Variants in EFCAB8 observed in about 807,000 individuals in gnomAD.
The protein encoded by EFCAB8 is EF-hand calcium binding domain 8, also known as EF-hand calcium-binding domain-containing protein 8.
In EFCAB8, 100 loss-of-function variants were observed where a neutral mutation model predicts 116.3. That is an observed-to-expected ratio of 0.86 (90% confidence interval 0.73 to 1.02). The LOEUF (loss-of-function observed/expected upper bound fraction) is 1.02. EFCAB8 is among the 50% of genes least tolerant of loss of function. The probability of loss-of-function intolerance (pLI) is 0.00; values close to 1 mark genes in which losing one functional copy is unlikely to be tolerated. For missense variants in EFCAB8, 1,320 were observed against 1,416.9 expected, an observed-to-expected ratio of 0.93 and a Z score of 1.10; for synonymous variants, 558 against 567.9, an observed-to-expected ratio of 0.98 and a Z score of 0.25.
At chr20:32,907,268 G>A in intron 13 of EFCAB8, 1 of 298,214 alleles carries the variant, frequency 3.4e-6, no homozygotes, top group Non-Finnish European at 5.0e-6. Context: ...CCATAGAATG[G>A]GCTGTTGAGT....
intron 2 of EFCAB8, among the ~76,000 whole-genome samples, chr20:32,866,303 A>G (rs74862783): frequency 0.029 from 4,422 of 152,246 alleles, 207 homozygotes; most frequent in African/African-American, 0.1. Context: ...TTTTTGAACT[A>G]AAGTGTTTTC....
intron 5 of EFCAB8, among the ~76,000 whole-genome samples, chr20:32,882,194 C>G (rs942988185): frequency 6.6e-6 from 1 of 151,736 alleles, no homozygotes; most frequent in African/African-American, 2.4e-5. Context: ...ATGAAAACTC[C>G]GTCTCAAAAA....
At chr20:32,878,389 C>T (rs8119075) in intron 4 of EFCAB8, among the ~76,000 whole-genome samples, 4,689 of 151,998 alleles carry the variant, frequency 0.031, 217 homozygotes, top group African/African-American at 0.099. Context: ...AGAGAAAGAG[C>T]AGGTCTGTTG....
At chr20:32,951,711 T>C (rs1342016996) in intron 23 of EFCAB8, among the ~76,000 whole-genome samples, 1 of 152,224 alleles carries the variant, frequency 6.6e-6, no homozygotes, top group East Asian at 1.9e-4. Context: ...TAGTGGTATC[T>C]TACTGTGATT....
At chr20:32,960,333 C>G (rs779439129) in intron 26 of EFCAB8, among the ~76,000 whole-genome samples, 172 bp downstream of exon 26, 1 of 152,164 alleles carries the variant, frequency 6.6e-6, no homozygotes, top group Non-Finnish European at 1.5e-5. Flanking sequence ...ACTAATGTGG[C>G]CAGTTTGTTT....
intron 23 of EFCAB8, among the ~76,000 whole-genome samples, chr20:32,955,332 G>A (rs1441480593): frequency 1.3e-5 from 2 of 152,114 alleles, no homozygotes; most frequent in South Asian, 2.1e-4. Flanking sequence ...TTGAACCCAG[G>A]AGTTTGAGGC....
rs773493768 is a variant in EFCAB8 at position 32,930,532 on chromosome 20, C to T, written c.2547C>T (p.Asp849=). ...GLLGKFPVDL[D]NGDVVVGAMA... ...TGGGGAAGTTCCCTGTGGACCTAGA[C>T]AATGGGGATGTTGTCGTGGGTGCCA... is the stretch of plus-strand genomic sequence containing the variant. Residue 849 remains aspartate, a synonymous_variant, in exon 21 of 27, where the codon GAC becomes GAT. Transcript: ENST00000400522. 3.2e-6 allele frequency: 5 copies of T among 1,552,214 alleles called. No homozygotes were observed. In the African/African-American group the frequency reaches 6.8e-5, roughly 21 times the overall value.
At chr20:32,860,279 G>T (rs552589394) in intron 1 of EFCAB8, among the ~76,000 whole-genome samples, 85 of 151,964 alleles carry the variant, frequency 5.6e-4, no homozygotes, top group Non-Finnish European at 4.3e-4. Context: ...CTGCATTCCA[G>T]CCTGTGACAG....
chr20:32,931,336 G>A lies in EFCAB8; in HGVS notation c.2790G>A (p.Glu930=), dbSNP rs1226031197. ...FPHYIPLEDK[E]VVAGHTISLV... ...ACTACATTCCCTTGGAGGATAAAGA[G>A]GTAGGAGGATTACTGGAGAGTTGCT... The change falls in exon 22 of 27, where the codon GAG becomes GAA. Residue 930 remains glutamate, a splice_region_variant and synonymous_variant. Transcript: ENST00000400522. The A allele has an allele frequency of 3.3e-6, 5 of 1,538,344 alleles. No individual in the cohort carries two copies. In the South Asian group the frequency reaches 6.2e-5, roughly 19 times the overall value.
At chr20:32,889,728 G>C (rs1342158712) in intron 7 of EFCAB8, among the ~76,000 whole-genome samples, 2 of 152,092 alleles carry the variant, frequency 1.3e-5, no homozygotes, top group African/African-American at 4.8e-5. Flanking sequence ...CTGGCCGGGT[G>C]TGGTGGCTCA....
At chr20:32,940,023 CCCTTCCTT>C (rs757461144) in intron 22 of EFCAB8, among the ~76,000 whole-genome samples, 1,051 of 55,728 alleles carry the variant, frequency 0.019, 55 homozygotes, top group African/African-American at 0.038. Flanking sequence ...CTCCCTCCCT[CCCTTCCTT>C]CCTTCCTTCC....
intron 7 of EFCAB8, among the ~76,000 whole-genome samples, chr20:32,890,608 A>C (rs1347379466): frequency 6.6e-6 from 1 of 152,188 alleles, no homozygotes; most frequent in African/African-American, 2.4e-5. Flanking sequence ...GACTGAGCAG[A>C]CCTGTAAGGT....
At chr20:32,881,476 C>T (rs1309465166) in intron 5 of EFCAB8, among the ~76,000 whole-genome samples, 4 of 152,202 alleles carry the variant, frequency 2.6e-5, no homozygotes, top group Admixed American at 6.5e-5. Flanking sequence ...GGATTACAGG[C>T]GTGAGCCACC....
intron 2 of EFCAB8, among the ~76,000 whole-genome samples, chr20:32,864,429 AAAAT>A (rs1159978133): frequency 1.3e-5 from 2 of 152,080 alleles, no homozygotes; most frequent in Non-Finnish European, 2.9e-5. Flanking sequence ...CAAAAAGTAA[AAAAT>A]AAATTAGGCA....
intron 23 of EFCAB8, among the ~76,000 whole-genome samples, chr20:32,947,029 C>A (rs987485421): frequency 1.3e-5 from 2 of 152,194 alleles, no homozygotes; most frequent in Non-Finnish European, 2.9e-5. Context: ...TTAATCCATT[C>A]ACCAATTATA....
At chr20:32,933,581 C>G (rs1600445107) in intron 22 of EFCAB8, among the ~76,000 whole-genome samples, 2 of 152,222 alleles carry the variant, frequency 1.3e-5, no homozygotes, top group African/African-American at 2.4e-5. Context: ...CTGACCAAAA[C>G]TTGGTACCCC....
At chr20:32,926,520 T>TTA (rs111874691) in intron 20 of EFCAB8, among the ~76,000 whole-genome samples, 44,422 of 149,240 alleles carry the variant, frequency 0.3, 6,979 homozygotes, top group Middle Eastern at 0.35. Context: ...TCTTTTTTTT[T>TTA]TTATTATACT....
chr20:32,943,215 C>T (rs1988459696), intron 22 of EFCAB8, among the ~76,000 whole-genome samples: 1 of 152,154 alleles, frequency 6.6e-6, no homozygotes, highest in African/African-American at 2.4e-5. Context: ...GCTATGTGGG[C>T]TTAGGCTAGT....
chr20:32,925,698 G>T (rs1447204499), intron 20 of EFCAB8, among the ~76,000 whole-genome samples: 1 of 152,250 alleles, frequency 6.6e-6, no homozygotes, highest in East Asian at 1.9e-4. Context: ...CATCTCCCCA[G>T]TAGGGAAGGA....
Sources: gnomAD v4.1 joint callset for allele counts (sites outside exome capture counted in the v4.1 genomes callset) on GRCh38, gnomAD v4.1.1 for gene constraint, MANE v1.5 for transcripts, NCBI Gene and HGNC (gene_info 2026-07-23, HGNC 2026-07-21) for gene names.